Variants in ERBB4 observed in about 807,000 individuals in gnomAD.
ERBB4 encodes erb-b2 receptor tyrosine kinase 4.
Under a neutral mutation model 158.0 loss-of-function variants are expected in ERBB4, and 42 were observed. The ratio of observed to expected loss-of-function variants is 0.27; its 90% CI spans 0.21 to 0.34. The LOEUF (loss-of-function observed/expected upper bound fraction) is 0.34, where lower values mean the gene tolerates loss of function less well. ERBB4 is among the 10% of genes least tolerant of loss of function. The pLI is 1.00. For missense variants in ERBB4, 1,333 were observed against 1,624.1 expected, an observed-to-expected ratio of 0.82 and a Z score of 3.08; for synonymous variants, 583 against 558.7, an observed-to-expected ratio of 1.04 and a Z score of -0.61.
At chr2:211,660,774 C>G (rs774707700) in intron 15 of ERBB4, among the ~76,000 whole-genome samples, 12 of 152,040 alleles carry the variant, frequency 7.9e-5, no homozygotes, top group Non-Finnish European at 1.3e-4. Flanking sequence ...AGATGGAAAC[C>G]CAAGGAACCC....
At chr2:212,377,494 T>C (rs895158783) in intron 1 of ERBB4, among the ~76,000 whole-genome samples, 1 of 151,944 alleles carries the variant, frequency 6.6e-6, no homozygotes, top group Admixed American at 6.6e-5. Flanking sequence ...CTGAATACTG[T>C]AGCCAATTTT....
At chr2:211,647,326 T>C (rs1473071017) in intron 16 of ERBB4, among the ~76,000 whole-genome samples, 1 of 151,712 alleles carries the variant, frequency 6.6e-6, no homozygotes, top group Non-Finnish European at 1.5e-5. Context: ...TTGATATTAT[T>C]CCCAGTCCAA....
chr2:212,515,848 C>A (rs1171403596), intron 1 of ERBB4, among the ~76,000 whole-genome samples: 1 of 151,934 alleles, frequency 6.6e-6, no homozygotes, highest in Non-Finnish European at 1.5e-5. Flanking sequence ...CTGAGGAAAT[C>A]ATAATTACCT....
chr2:211,658,023 C>T (rs2105900689), intron 15 of ERBB4, 195 bp from the exon 16 acceptor site: 1 of 1,557,836 alleles, frequency 6.4e-7, no homozygotes, highest in Non-Finnish European at 8.7e-7. Context: ...TAAAAAAATA[C>T]AAGGGGAAAA....
rs7583813 is a variant in ERBB4 at position 212,162,569 on chromosome 2, G to T, written c.83-37666C>A. On this transcript the variant is annotated intron_variant, in intron 1 of 27. Coordinates refer to ENST00000342788, the MANE Select transcript of ERBB4 (RefSeq NM_005235.3). ...ACAATAAATTGTATATAAATTTTAC[G>T]TCAAAAGAAAATGCTGTAATCAGAT... Among the ~76,000 whole-genome samples, 5 of 151,574 alleles carry T rather than the reference G, an allele frequency of 3.3e-5. No homozygotes were observed. In the East Asian group the frequency reaches 9.7e-4, roughly 29 times the overall value.
At position 211,861,110 on chromosome 2, in the gene ERBB4, T is replaced by TATA. The variant is rs1331799164; in HGVS notation, c.422-72952_422-72951insTAT. ...AAAATATATAAATACATTATATATA[T>TATA]TTATATATATATTTTATATATATAT... is the stretch of plus-strand genomic sequence containing the variant. On this transcript the variant is annotated intron_variant, in intron 3 of 27. Coordinates refer to ENST00000342788, the MANE Select transcript of ERBB4 (RefSeq NM_005235.3). 8.6e-3 allele frequency among the ~76,000 whole-genome samples: 236 copies of TATA among 27,342 alleles called. 13 individuals are homozygous for TATA. Among genetic ancestry groups the TATA allele is most frequent in the Non-Finnish European group, 0.011 (178 of 16,100 alleles). 17.9% of individuals were successfully genotyped at this position (27,342 alleles called of 152,430 possible).
chr2:211,881,390 C>T (rs966440967), intron 3 of ERBB4, among the ~76,000 whole-genome samples: 1 of 152,124 alleles, frequency 6.6e-6, no homozygotes, highest in Non-Finnish European at 1.5e-5. Flanking sequence ...AAATACTGAG[C>T]CGCAAACATC....
At chr2:212,206,655 C>G (rs1042783186) in intron 1 of ERBB4, among the ~76,000 whole-genome samples, 3 of 144,936 alleles carry the variant, frequency 2.1e-5, no homozygotes, top group Admixed American at 7.0e-5. Flanking sequence ...GGTGCTATCT[C>G]GGCTCACTGC....
chr2:211,805,735 C>T (rs2076598394), intron 3 of ERBB4, among the ~76,000 whole-genome samples: 1 of 151,946 alleles, frequency 6.6e-6, no homozygotes, highest in South Asian at 2.1e-4. Context: ...ATAGATAATT[C>T]AGAAGCTAGT....
chr2:211,423,630 C>A (rs1276597265), intron 23 of ERBB4, among the ~76,000 whole-genome samples: 1 of 151,858 alleles, frequency 6.6e-6, no homozygotes, highest in African/African-American at 2.4e-5. Context: ...CATTTATAAT[C>A]TTTTTAGCTC....
At chr2:212,028,739 C>T (rs1208834973) in intron 2 of ERBB4, among the ~76,000 whole-genome samples, 1 of 152,096 alleles carries the variant, frequency 6.6e-6, no homozygotes, top group African/African-American at 2.4e-5. Flanking sequence ...TACCTGAGTT[C>T]TCTATACTTT....
At chr2:211,738,828 G>A (rs892041972) in intron 5 of ERBB4, among the ~76,000 whole-genome samples, 3 of 149,154 alleles carry the variant, frequency 2.0e-5, no homozygotes, top group African/African-American at 7.4e-5. Flanking sequence ...CACCATACCC[G>A]GCTATTTTTT....
chr2:212,134,747 A>ACC (rs2080218822), intron 1 of ERBB4, among the ~76,000 whole-genome samples: 1 of 139,332 alleles, frequency 7.2e-6, no homozygotes. Context: ...GCAGAGGTGC[A>ACC]ATCTCGGCTC....
intron 2 of ERBB4, among the ~76,000 whole-genome samples, chr2:211,970,759 C>G (rs866503966): frequency 6.6e-6 from 1 of 152,094 alleles, no homozygotes; most frequent in Non-Finnish European, 1.5e-5. Context: ...TTATTTTGAG[C>G]CTATGTGTGT....
At chr2:212,400,131 C>A (rs1000052561) in intron 1 of ERBB4, among the ~76,000 whole-genome samples, 1 of 152,114 alleles carries the variant, frequency 6.6e-6, no homozygotes. Flanking sequence ...GATGACAAAA[C>A]CCTCAGTCTG....
intron 20 of ERBB4, among the ~76,000 whole-genome samples, chr2:211,554,765 G>A (rs1165856122): frequency 6.6e-6 from 1 of 152,104 alleles, no homozygotes; most frequent in Non-Finnish European, 1.5e-5. Context: ...AGTCCTTTTG[G>A]TCACTCCCAG....
At chr2:211,950,923 G>C (rs2080858028) in intron 2 of ERBB4, among the ~76,000 whole-genome samples, 1 of 152,074 alleles carries the variant, frequency 6.6e-6, no homozygotes, top group Non-Finnish European at 1.5e-5. Context: ...CTCTTTGAAT[G>C]CCCTTATCTA....
intron 5 of ERBB4, among the ~76,000 whole-genome samples, chr2:211,727,677 G>C (rs533359362): frequency 1.3e-5 from 2 of 151,720 alleles, no homozygotes; most frequent in Non-Finnish European, 2.9e-5. Flanking sequence ...ATTTTTAATT[G>C]GATCCTTTTC....
chr2:212,454,624 A>G (rs903996062), intron 1 of ERBB4, among the ~76,000 whole-genome samples: 1 of 152,246 alleles, frequency 6.6e-6, no homozygotes, highest in African/African-American at 2.4e-5. Flanking sequence ...TAAGTCTATT[A>G]TGAGAACTCT....
Sources: allele counts gnomAD v4.1 joint callset (sites outside exome capture counted in the v4.1 genomes callset), GRCh38; gene constraint gnomAD v4.1.1; transcripts MANE v1.5; gene names NCBI Gene and HGNC (gene_info 2026-07-23, HGNC 2026-07-21).